Variants in NUMB observed in about 807,000 individuals in gnomAD.
The protein encoded by NUMB is NUMB endocytic adaptor protein, also known as protein numb homolog.
Under a neutral mutation model 59.7 loss-of-function variants are expected in NUMB, and 29 were observed. The observed-to-expected ratio is 0.49, with a 90% CI of 0.36 to 0.66. NUMB has a LOEUF of 0.66. Among genes scored for constraint, NUMB ranks in the 30% least tolerant of loss-of-function variants. The probability of loss-of-function intolerance (pLI) is 0.00; values close to 1 mark genes in which losing one functional copy is unlikely to be tolerated. For synonymous variants in NUMB, 288 were observed against 288.2 expected, an observed-to-expected ratio of 1.00 and a Z score of 0.01; for missense variants, 723 against 822.0, an observed-to-expected ratio of 0.88 and a Z score of 1.47.
chr14:73,377,381 T>TA (rs1387602132), intron 2 of NUMB, among the ~76,000 whole-genome samples: 1 of 152,194 alleles, frequency 6.6e-6, no homozygotes, highest in Non-Finnish European at 1.5e-5. Context: ...GTCATGCCTG[T>TA]AATCCAGCAC....
chr14:73,371,014 A>G lies in NUMB; in HGVS notation c.-100-4033T>C, dbSNP rs563634341. Among the ~76,000 whole-genome samples, 65 of 118,472 alleles carry G rather than the reference A, an allele frequency of 5.5e-4. 1 individual carries two copies. Among genetic ancestry groups the G allele is most frequent in the African/African-American group, 2.2e-3 (63 of 28,170 alleles). The allele number at this position is 118,472 out of a possible 152,430, so 77.7% of individuals were successfully genotyped here. A position where few individuals can be genotyped will look rare whatever the true frequency, so the allele number is the denominator to read the frequency against. The stretch of plus-strand genomic sequence containing the variant: ...GGGTCTCACTATGTTGCCCAGGCTG[A>G]TCTTGAACTCCTGGACTCCCATTCT... On this transcript the variant is annotated intron_variant, in intron 2 of 12. Transcript: ENST00000555238.
At chr14:73,360,222 A>G (rs1165004547) in intron 3 of NUMB, among the ~76,000 whole-genome samples, 1 of 152,220 alleles carries the variant, frequency 6.6e-6, no homozygotes, top group East Asian at 1.9e-4. Context: ...TTACAATAGT[A>G]TCAGAACATC....
chr14:73,277,054 G>C lies in NUMB; in HGVS notation c.1480C>G (p.Pro494Ala), dbSNP rs770979258. The part of the protein sequence containing the change: ...GNAFLTSQPV[P>A]VGVVPALQPA... ...TGCAGGGCTGGGACCACACCCACTG[G>C]CACAGGCTGAGAGGTGAGGAATGCA... is the stretch of plus-strand genomic sequence containing the variant. Residue 494 changes from proline to alanine, a missense_variant, in exon 13 of 13, where the codon CCA (proline) becomes GCA (alanine). By Grantham distance (27) the Pro-to-Ala change is conservative. Coordinates refer to ENST00000555238, the MANE Select transcript of NUMB (RefSeq NM_001005743.2). 1.9e-6 allele frequency: 3 copies of C among 1,614,142 alleles called. No homozygotes were observed. Among genetic ancestry groups the C allele is most frequent in the East Asian group, 2.2e-5 (1 of 44,884 alleles).
intron 3 of NUMB, among the ~76,000 whole-genome samples, chr14:73,363,198 G>A (rs12878465): frequency 0.24 from 35,797 of 151,842 alleles, 4,282 homozygotes; most frequent in Non-Finnish European, 0.25. Flanking sequence ...TCAGGAGACC[G>A]ATACAGGAGA....
chr14:73,453,333 T>C (rs941119196), intron 1 of NUMB, among the ~76,000 whole-genome samples: 1 of 151,934 alleles, frequency 6.6e-6, no homozygotes, highest in Non-Finnish European at 1.5e-5. Flanking sequence ...GATTTCTCCA[T>C]GTTGGTCAGG....
At chr14:73,441,413 T>C (rs1595043802) in intron 1 of NUMB, among the ~76,000 whole-genome samples, 1 of 151,964 alleles carries the variant, frequency 6.6e-6, no homozygotes, top group South Asian at 2.1e-4. Flanking sequence ...CCTGGCATGG[T>C]AGTGCACGCC....
rs74617637 is a variant in NUMB, at chr14:73,280,214, C to T, written c.1097-790G>A. On this transcript the variant is annotated intron_variant, in intron 11 of 12. Coordinates refer to ENST00000555238, the MANE Select transcript of NUMB (RefSeq NM_001005743.2). ...CAAAAGTTAAAATGTATATATGATT[C>T]GTTATTATGTGCTAGTCATTAAGCT... Among the ~76,000 whole-genome samples the T allele has an allele frequency of 4.6e-3, 699 of 152,126 alleles. 4 individuals are homozygous for T. The highest frequency in any genetic ancestry group is 0.016 in the African/African-American group (675 of 41,522).
chr14:73,385,308 C>CTTTTTTTTTTTT (rs1174960370), intron 2 of NUMB, among the ~76,000 whole-genome samples: 5 of 112,300 alleles, frequency 4.5e-5, no homozygotes, highest in Admixed American at 9.6e-5. Context: ...CCAGTTAATT[C>CTTTTTTTTTTTT]TTTTTTTTTT....
chr14:73,453,015 G>A (rs1884093363), intron 1 of NUMB, among the ~76,000 whole-genome samples: 1 of 152,124 alleles, frequency 6.6e-6, no homozygotes, highest in Admixed American at 6.5e-5. Flanking sequence ...TACACTTCCT[G>A]TAGATCCTCC....
chr14:73,452,716 G>A (rs1884073870), intron 1 of NUMB, among the ~76,000 whole-genome samples: 1 of 152,130 alleles, frequency 6.6e-6, no homozygotes, highest in African/African-American at 2.4e-5. Context: ...TCTAGTTAAG[G>A]TTGCTGGGGA....
rs200195176 is a variant in NUMB, at chr14:73,396,321, GGTGTGTGTGTGTGTGT to G, written c.-101+13600_-101+13615del. 7.3e-4 allele frequency among the ~76,000 whole-genome samples: 105 copies of G among 144,318 alleles called. 1 individual carries two copies. The highest frequency in any genetic ancestry group is 3.5e-3 in the Middle Eastern group (1 of 286). 94.7% of individuals were successfully genotyped at this position (144,318 alleles called of 152,430 possible). ...CTATCTATTTACTTTAATTATTAGG[GGTGTGTGTGTGTGTGT>G]GTGTGTGTGTGTGTGTGTGTGTGTT... On this transcript the variant is annotated intron_variant, in intron 2 of 12. Coordinates refer to ENST00000555238, the MANE Select transcript of NUMB (RefSeq NM_001005743.2).
chr14:73,447,466 C>A (rs767574557), intron 1 of NUMB, among the ~76,000 whole-genome samples: 2 of 151,882 alleles, frequency 1.3e-5, no homozygotes, highest in Non-Finnish European at 2.9e-5. Context: ...CCAGCCCAGG[C>A]GACAGTGCAA....
chr14:73,348,250 A>G (rs947507576), intron 4 of NUMB, among the ~76,000 whole-genome samples: 1 of 152,346 alleles, frequency 6.6e-6, no homozygotes, highest in South Asian at 2.1e-4. Flanking sequence ...TCAGTTGTAT[A>G]TAAGTGTATG....
At chr14:73,407,217 C>T (rs997921146) in intron 2 of NUMB, among the ~76,000 whole-genome samples, 1 of 151,834 alleles carries the variant, frequency 6.6e-6, no homozygotes, top group African/African-American at 2.4e-5. Context: ...TTTGGGAGGC[C>T]GAGATGAGCA....
intron 1 of NUMB, among the ~76,000 whole-genome samples, chr14:73,451,160 A>C (rs1228581296): frequency 6.9e-6 from 1 of 145,876 alleles, no homozygotes; most frequent in African/African-American, 2.6e-5. Context: ...TCTCAAAAAA[A>C]AAAAAAAAAA....
chr14:73,347,932 C>T (rs996503655), intron 4 of NUMB, among the ~76,000 whole-genome samples: 2 of 152,168 alleles, frequency 1.3e-5, no homozygotes, highest in Non-Finnish European at 2.9e-5. Context: ...CACTAAAATA[C>T]ATTTGTAACC....
chr14:73,404,535 T>C (rs1412254443), intron 2 of NUMB, among the ~76,000 whole-genome samples: 1 of 152,136 alleles, frequency 6.6e-6, no homozygotes, highest in African/African-American at 2.4e-5. Context: ...AGAATACACA[T>C]ATAAAGCATG....
chr14:73,382,056 T>G (rs1173766855), intron 2 of NUMB, among the ~76,000 whole-genome samples: 1 of 152,198 alleles, frequency 6.6e-6, no homozygotes, highest in Non-Finnish European at 1.5e-5. Context: ...AAAAAAGCAA[T>G]CACAGAAAAG....
intron 4 of NUMB, among the ~76,000 whole-genome samples, chr14:73,343,298 A>G (rs778131522): frequency 1.3e-5 from 2 of 152,220 alleles, no homozygotes; most frequent in Non-Finnish European, 2.9e-5. Context: ...AAGCAAGAGT[A>G]GTAGAGTTCT....
Sources: allele counts gnomAD v4.1 joint callset (sites outside exome capture counted in the v4.1 genomes callset), GRCh38; gene constraint gnomAD v4.1.1; transcripts MANE v1.5; gene names NCBI Gene and HGNC (gene_info 2026-07-23, HGNC 2026-07-21).